The following CNTLN variants were observed in gnomAD, a reference collection of about 807,000 sequenced individuals.
CNTLN encodes the protein centlein.
CNTLN carries 212 observed loss-of-function variants against 180.0 expected under a neutral mutation model. That is an observed-to-expected ratio of 1.18 (90% CI 1.05 to 1.32). CNTLN has a LOEUF of 1.32. Among genes scored for constraint, CNTLN ranks in the 40% most tolerant of loss-of-function variants. The pLI is 0.00. For synonymous variants in CNTLN, 722 were observed against 563.1 expected (o/e 1.28, Z -3.99); for missense variants, 2,095 against 1,610.9 (o/e 1.30, Z -5.14).
At chr9:17,515,590 T>G in the CNTLN span, among the ~76,000 whole-genome samples, 1 of 152,092 alleles carries the variant, frequency 6.6e-6, no homozygotes, top group Admixed American at 6.5e-5. Flanking sequence ...ACCCTAAACT[T>G]CCATTTTGTT....
intron 6 of CNTLN, among the ~76,000 whole-genome samples, chr9:17,292,715 G>T (rs929423308): frequency 1.3e-5 from 2 of 152,028 alleles, no homozygotes; most frequent in African/African-American, 4.8e-5. Context: ...TTTTATCATG[G>T]TTCTTAGCTT....
chr9:17,301,073 A>G (rs1045345576), intron 7 of CNTLN: 3 of 985,310 alleles, frequency 3.0e-6, no homozygotes, highest in African/African-American at 3.5e-5. Context: ...ACTAAGGATA[A>G]AGAAAGCTCT....
At chr9:17,514,303 C>T in the CNTLN span, among the ~76,000 whole-genome samples, 1 of 152,094 alleles carries the variant, frequency 6.6e-6, no homozygotes, top group Non-Finnish European at 1.5e-5. Context: ...GAGCAAGATG[C>T]TGTCTCAAAC....
chr9:17,192,353 T>C (rs201810516), intron 2 of CNTLN, among the ~76,000 whole-genome samples: 5 of 151,536 alleles, frequency 3.3e-5, no homozygotes, highest in Non-Finnish European at 7.4e-5. Context: ...ATTCACCTGC[T>C]TCAGCCTCCT....
chr9:17,263,702 C>T (rs1277865081), intron 5 of CNTLN, among the ~76,000 whole-genome samples: 1 of 143,298 alleles, frequency 7.0e-6, no homozygotes, highest in African/African-American at 2.7e-5. Context: ...TCTCCAGCCC[C>T]TGTTGTTTCC....
At chr9:17,291,017 C>T (rs974603543) in intron 6 of CNTLN, among the ~76,000 whole-genome samples, 1 of 152,156 alleles carries the variant, frequency 6.6e-6, no homozygotes, top group African/African-American at 2.4e-5. Context: ...TCCTATTCGG[C>T]CATCTTGGCT....
chr9:17,434,853 T>G (rs574633001), intron 18 of CNTLN, among the ~76,000 whole-genome samples: 1 of 152,292 alleles, frequency 6.6e-6, no homozygotes, highest in East Asian at 1.9e-4. Flanking sequence ...AAAGTTGTTG[T>G]TTTGGAAAAC....
intron 25 of CNTLN, among the ~76,000 whole-genome samples, chr9:17,501,488 C>T (rs1833752659): frequency 1.3e-5 from 2 of 152,190 alleles, no homozygotes; most frequent in South Asian, 2.1e-4. Context: ...AAGAGCCATT[C>T]TGATTGGTTT....
chr9:17,166,075 C>T (rs1276151994), intron 2 of CNTLN, among the ~76,000 whole-genome samples: 1 of 151,720 alleles, frequency 6.6e-6, no homozygotes, highest in Non-Finnish European at 1.5e-5. Context: ...GATAAGAAAC[C>T]AGAAGTAACA....
intron 2 of CNTLN, among the ~76,000 whole-genome samples, chr9:17,152,629 A>G (rs1818969437): frequency 6.6e-6 from 1 of 152,158 alleles, no homozygotes; most frequent in African/African-American, 2.4e-5. Context: ...AGAAGAATGT[A>G]TATTCTGTTG....
intron 18 of CNTLN, among the ~76,000 whole-genome samples, chr9:17,417,835 A>T (rs1028166849): frequency 2.0e-5 from 3 of 151,970 alleles, no homozygotes; most frequent in Non-Finnish European, 4.4e-5. Context: ...TTGAGGTGCC[A>T]TACTTGGTAG....
chr9:17,485,769 G>A (rs1832858473), intron 24 of CNTLN, among the ~76,000 whole-genome samples: 3 of 152,084 alleles, frequency 2.0e-5, no homozygotes, highest in Admixed American at 6.6e-5. Flanking sequence ...GGAACACAGA[G>A]CCACCATGTT....
rs182201083 is a variant in CNTLN at position 17,342,322 on chromosome 9, T to C, written c.1767-3T>C. 72 of 1,610,792 alleles carry C rather than the reference T, an allele frequency of 4.5e-5. 2 individuals carry two copies. In the Admixed American group the frequency reaches 1.1e-3, roughly 26 times the overall value. ...TGAAAAAGCAACTTTGTTTTAAAAA[T>C]AGGACTGAAATCAGGAAAATAAAGA... On this transcript the variant is annotated splice_region_variant and splice_polypyrimidine_tract_variant and intron_variant, in intron 11 of 25. Transcript: ENST00000380647.
intron 25 of CNTLN, among the ~76,000 whole-genome samples, chr9:17,489,713 G>C (rs540164667): frequency 2.1e-4 from 32 of 152,154 alleles, no homozygotes; most frequent in Admixed American, 1.5e-3. Flanking sequence ...AAGTGCATGA[G>C]AACTAAAAGG....
At chr9:17,467,397 A>C (rs1397130991) in intron 23 of CNTLN, among the ~76,000 whole-genome samples, 1 of 151,622 alleles carries the variant, frequency 6.6e-6, no homozygotes. Context: ...TAAAAGCTGA[A>C]GAGCCCTAGA....
intron 2 of CNTLN, among the ~76,000 whole-genome samples, chr9:17,159,055 A>G (rs1819496736): frequency 2.6e-5 from 4 of 152,130 alleles, no homozygotes. Flanking sequence ...CGCTAATCTC[A>G]GAGTGATGTC....
Position 17,257,049 on chromosome 9 carries a change from A to C in CNTLN, c.850-16684A>C, listed in dbSNP as rs570310831. 1.3e-4 allele frequency among the ~76,000 whole-genome samples: 20 copies of C among 152,084 alleles called. No homozygotes were observed. In the East Asian group the frequency reaches 3.7e-3, roughly 28 times the overall value. ...GTGCAGGTTAGTTACATATGTATAC[A>C]TGTGCCATGCTGGTGCACTGCACCC... On this transcript the variant is annotated intron_variant, in intron 5 of 25. Transcript: ENST00000380647.
intron 7 of CNTLN, chr9:17,299,932 G>A (rs574942081): frequency 1.1e-3 from 316 of 299,048 alleles, no homozygotes; most frequent in Non-Finnish European, 1.4e-3. Flanking sequence ...TAATTTCTTT[G>A]TGGTCCTCCC....
chr9:17,207,341 A>C (rs1446878940), intron 2 of CNTLN, among the ~76,000 whole-genome samples: 1 of 152,040 alleles, frequency 6.6e-6, no homozygotes, highest in African/African-American at 2.4e-5. Context: ...CCCACACAGA[A>C]CACCCCTTGC....
Sources: gnomAD v4.1 joint callset for allele counts (sites outside exome capture counted in the v4.1 genomes callset) on GRCh38, gnomAD v4.1.1 for gene constraint, MANE v1.5 for transcripts, NCBI Gene and HGNC (gene_info 2026-07-23, HGNC 2026-07-21) for gene names.